Variants in TIMP2 observed in about 807,000 individuals in gnomAD.
TIMP2 encodes the protein metalloproteinase inhibitor 2.
A neutral mutation model predicts 24.3 loss-of-function variants in TIMP2; 5 were observed. That is an observed-to-expected ratio of 0.21 (90% CI 0.11 to 0.43). The LOEUF (loss-of-function observed/expected upper bound fraction) is 0.43. TIMP2 is among the 20% of genes least tolerant of loss of function. The pLI is 1.00. For missense variants in TIMP2, 221 were observed against 297.5 expected (o/e 0.74, Z 1.89); for synonymous variants, 130 against 123.2 (o/e 1.06, Z -0.37).
intron 1 of TIMP2, among the ~76,000 whole-genome samples, chr17:78,903,675 G>A (rs571026528): frequency 1.9e-4 from 29 of 152,290 alleles, no homozygotes; most frequent in Admixed American, 1.9e-3. Flanking sequence ...TGCCCACACA[G>A]GAGGAGAAGC....
chr17:78,918,070 A>ACACGCG (rs1555652961), intron 1 of TIMP2, among the ~76,000 whole-genome samples: 3 of 133,048 alleles, frequency 2.3e-5, no homozygotes, highest in African/African-American at 9.7e-5. Context: ...ACACAAACAC[A>ACACGCG]CACACACACA....
At chr17:78,913,471 G>A (rs1047747786) in intron 1 of TIMP2, among the ~76,000 whole-genome samples, 3 of 152,210 alleles carry the variant, frequency 2.0e-5, no homozygotes, top group African/African-American at 7.2e-5. Context: ...AGTGCTTTGG[G>A]AGGCCGAGGT....
intron 1 of TIMP2, among the ~76,000 whole-genome samples, chr17:78,905,687 C>T (rs763931312): frequency 2.2e-4 from 33 of 152,240 alleles, no homozygotes; most frequent in African/African-American, 3.6e-4. Flanking sequence ...GCTCTCCTGA[C>T]GCTGCCTTGG....
At position 78,886,433 on chromosome 17, in the gene TIMP2, C is replaced by A. The variant is rs116155425; in HGVS notation, c.131-12514G>T. Among the ~76,000 whole-genome samples, 451 of 152,266 alleles carry A rather than the reference C, an allele frequency of 3.0e-3. 2 individuals carry two copies. Among genetic ancestry groups the A allele is most frequent in the African/African-American group, 0.01 (420 of 41,552 alleles). ...CTTTTAACTCAGTCATGCCATAACA[C>A]CCTCTCTGCCCTCTCAGACAGAGGT... On this transcript the variant is annotated intron_variant, in intron 1 of 4. Transcript: ENST00000262768.
intron 2 of TIMP2, among the ~76,000 whole-genome samples, chr17:78,871,222 T>A (rs2069680610): frequency 6.7e-6 from 1 of 150,356 alleles, no homozygotes; most frequent in Non-Finnish European, 1.5e-5. Context: ...GAGGCTGAGG[T>A]GGGCAGGTCG....
intron 1 of TIMP2, among the ~76,000 whole-genome samples, chr17:78,914,133 C>T (rs896635796): frequency 1.2e-4 from 18 of 152,224 alleles, no homozygotes; most frequent in Admixed American, 2.0e-4. Flanking sequence ...CAGGCAGCTG[C>T]GACTAACGCT....
intron 1 of TIMP2, among the ~76,000 whole-genome samples, chr17:78,908,830 C>T (rs2070183127): frequency 6.6e-6 from 1 of 152,202 alleles, no homozygotes; most frequent in African/African-American, 2.4e-5. Context: ...TGGACAAGAC[C>T]TCACAAGGGA....
chr17:78,918,746 C>G (rs1346151537), intron 1 of TIMP2, among the ~76,000 whole-genome samples: 1 of 152,160 alleles, frequency 6.6e-6, no homozygotes, highest in Non-Finnish European at 1.5e-5. Context: ...CATCTGTAAT[C>G]CCAGCACTTT....
At chr17:78,892,399 G>A (rs892776428) in intron 1 of TIMP2, 4 of 1,550,474 alleles carry the variant, frequency 2.6e-6, no homozygotes, top group African/African-American at 2.7e-5. Flanking sequence ...CAAGAGTGGA[G>A]GGTTCAAGGG....
At chr17:78,887,024 G>A (rs891461793) in intron 1 of TIMP2, among the ~76,000 whole-genome samples, 4 of 151,750 alleles carry the variant, frequency 2.6e-5, no homozygotes, top group Admixed American at 1.3e-4. Flanking sequence ...GCCCAGCCTC[G>A]AATTTCCTCT....
intron 1 of TIMP2, among the ~76,000 whole-genome samples, chr17:78,914,871 G>A (rs563366884): frequency 6.6e-6 from 1 of 150,886 alleles, no homozygotes; most frequent in Non-Finnish European, 1.5e-5. Flanking sequence ...ACAGGTGTAA[G>A]CCACCGCGCC....
intron 1 of TIMP2, among the ~76,000 whole-genome samples, chr17:78,884,491 A>G (rs570979442): frequency 1.1e-3 from 163 of 152,272 alleles, no homozygotes; most frequent in Non-Finnish European, 2.1e-3. Flanking sequence ...GACATGAAGG[A>G]CATGAAGGCT....
At chr17:78,914,445 G>T (rs956690079) in intron 1 of TIMP2, among the ~76,000 whole-genome samples, 1 of 151,882 alleles carries the variant, frequency 6.6e-6, no homozygotes, top group Non-Finnish European at 1.5e-5. Context: ...ACCATGCCCG[G>T]CTAATTTTTG....
chr17:78,854,921 C>CGGGGGGGGGGGGGGGGGGG lies in TIMP2; in HGVS notation c.*745_*746insCCCCCCCCCCCCCCCCCCC, dbSNP rs71161632. On this transcript the variant is annotated 3_prime_UTR_variant, in exon 5 of 5. Transcript: ENST00000262768. Reference sequence around the variant, plus strand: ...TCCTGCAAGCTGGGGAGCATGTGGGCGGGGGGGGGGGGGTGGGGGGGTGGG... The same window carrying CGGGGGGGGGGGGGGGGGGG: ...TCCTGCAAGCTGGGGAGCATGTGGGCGGGGGGGGGGGGGGGGGGGGGGGGGGGGGGGGTGGGGGGGTGGG... 1.5e-4 allele frequency: 6 copies of CGGGGGGGGGGGGGGGGGGG among 39,090 alleles called. No homozygotes were observed. Among genetic ancestry groups the CGGGGGGGGGGGGGGGGGGG allele is most frequent in the Admixed American group, 2.8e-4 (1 of 3,582 alleles). The allele number at this position is 39,090 out of a possible 1,614,324, so 2.4% of individuals were successfully genotyped here. A position where few individuals can be genotyped will look rare whatever the true frequency, so the allele number is the denominator to read the frequency against.
chr17:78,855,284 T>C lies in TIMP2; in HGVS notation c.*383A>G, dbSNP rs990347485. 1.0e-5 allele frequency: 3 copies of C among 292,530 alleles called. No individual in the cohort carries two copies. The highest frequency in any genetic ancestry group is 6.4e-5 in the African/African-American group (3 of 46,626). The allele number at this position is 292,530 out of a possible 1,614,324, so 18.1% of individuals were successfully genotyped here. On this transcript the variant is annotated 3_prime_UTR_variant, in exon 5 of 5. Coordinates refer to ENST00000262768, the MANE Select transcript of TIMP2 (RefSeq NM_003255.5). This position sits in a 1 kb window ranked among gnomAD's most constrained non-coding sequence, Gnocchi z 6.0. ...ACAGTCTTGCAACGACCCTCAAAAG[T>C]TTCTGCAAAATGCACATTTCCAGGC...
Position 78,873,892 on chromosome 17 carries a change from T to A in TIMP2, c.158A>T (p.Lys53Met), listed in dbSNP as rs1378758449. 9 of 1,613,378 alleles carry A rather than the reference T, an allele frequency of 5.6e-6. No homozygotes were observed. The Admixed American group carries it at 1.2e-4, about 21-fold the overall frequency. Residue 53 changes from lysine to methionine, a missense_variant, in exon 2 of 5, where the codon AAG becomes ATG. Coordinates refer to ENST00000262768, the MANE Select transcript of TIMP2 (RefSeq NM_003255.5). ...AATGTCGTTTCCAGAGTCCACTTCC[T>A]TCTCACTGACCGCTTTGGCCCTGAT... Reference protein sequence around the residue: ...VVIRAKAVSEKEVDSGNDIYG... With the variant: ...VVIRAKAVSEMEVDSGNDIYG...
intron 1 of TIMP2, among the ~76,000 whole-genome samples, chr17:78,913,353 A>G (rs1473196075): frequency 1.3e-5 from 2 of 152,186 alleles, no homozygotes; most frequent in Admixed American, 1.3e-4. Context: ...AATGTACTCA[A>G]ACCGCTGAAC....
In TIMP2 at chr17:78,918,061, CACAA is replaced by C. The variant is rs1464032896; in HGVS notation, c.130+6894_130+6897del. On this transcript the variant is annotated intron_variant, in intron 1 of 4. Coordinates refer to ENST00000262768, the MANE Select transcript of TIMP2 (RefSeq NM_003255.5). ...CAAAAAAAACACGTACGCGTGCACA[CACAA>C]ACACACACACACACACACACACACA... is the stretch of plus-strand genomic sequence containing the variant. Among the ~76,000 whole-genome samples, 884 of 120,888 alleles carry C rather than the reference CACAA, an allele frequency of 7.3e-3. 5 individuals are homozygous for C. Among genetic ancestry groups the C allele is most frequent in the African/African-American group, 0.031 (838 of 26,608 alleles). The allele number at this position is 120,888 out of a possible 152,430, so 79.3% of individuals were successfully genotyped here. A position where few individuals can be genotyped will look rare whatever the true frequency, so the allele number is the denominator to read the frequency against.
intron 3 of TIMP2, among the ~76,000 whole-genome samples, chr17:78,869,761 G>A (rs1382088324): frequency 6.6e-6 from 1 of 152,148 alleles, no homozygotes; most frequent in African/African-American, 2.4e-5. Context: ...GTTGCAGTGA[G>A]CCGAGATAGT....
Sources: gnomAD v4.1 joint callset for allele counts (sites outside exome capture counted in the v4.1 genomes callset) on GRCh38, gnomAD v4.1.1 for gene constraint, Gnocchi (gnomAD v3.1) non-coding constraint, MANE v1.5 for transcripts, NCBI Gene and HGNC (gene_info 2026-07-23, HGNC 2026-07-21) for gene names.